PDE4D: variants seen among roughly 807,000 people sequenced by gnomAD.
The protein encoded by PDE4D is 3',5'-cyclic-AMP phosphodiesterase 4D.
Under a neutral mutation model 87.4 loss-of-function variants are expected in PDE4D, and 24 were observed. The ratio of observed to expected loss-of-function variants is 0.27; its 90% CI spans 0.20 to 0.39. The LOEUF (loss-of-function observed/expected upper bound fraction) is 0.39. Among genes scored for constraint, PDE4D ranks in the 10% least tolerant of loss-of-function variants. The probability of loss-of-function intolerance (pLI) is 1.00; values close to 1 mark genes in which losing one functional copy is unlikely to be tolerated. For synonymous variants in PDE4D, 384 were observed against 383.2 expected, an observed-to-expected ratio of 1.00 and a Z score of -0.02; for missense variants, 714 against 1,041.0, an observed-to-expected ratio of 0.69 and a Z score of 4.32.
chr5:59,333,378 G>A (rs1777085795), intron 1 of PDE4D, among the ~76,000 whole-genome samples: 2 of 152,052 alleles, frequency 1.3e-5, no homozygotes, highest in South Asian at 2.1e-4. Context: ...AGACAGAAAG[G>A]GGAGACTTTT....
chr5:60,411,356 A>T, intron 1 of PDE4D, among the ~76,000 whole-genome samples: 1 of 152,198 alleles, frequency 6.6e-6, no homozygotes, highest in East Asian at 1.9e-4. Context: ...TATAAAGCAA[A>T]CTTATGTAAG....
chr5:59,998,598 A>G (rs1381280486), intron 2 of PDE4D, among the ~76,000 whole-genome samples: 3 of 151,980 alleles, frequency 2.0e-5, no homozygotes, highest in African/African-American at 4.8e-5. Flanking sequence ...CCTTTGAATA[A>G]TTTTCTAAGT....
intron 2 of PDE4D, among the ~76,000 whole-genome samples, chr5:60,131,857 C>T (rs1440674350): frequency 6.6e-6 from 1 of 152,220 alleles, no homozygotes. Flanking sequence ...TGTCCATCAG[C>T]ATTGGCTTAT....
intron 1 of PDE4D, chr5:59,586,189 C>T: frequency 1.7e-6 from 1 of 577,194 alleles, no homozygotes. Context: ...CTTTCTCAGA[C>T]AATATTCGGT....
chr5:59,153,345 A>G (rs904054449), intron 5 of PDE4D, among the ~76,000 whole-genome samples: 3 of 152,228 alleles, frequency 2.0e-5, no homozygotes, highest in Admixed American at 6.5e-5. Context: ...GTTCAGGACC[A>G]TGTAAGTTAT....
intron 1 of PDE4D, among the ~76,000 whole-genome samples, chr5:60,446,635 G>A (rs565772181): frequency 2.6e-5 from 4 of 152,240 alleles, no homozygotes; most frequent in African/African-American, 7.2e-5. Flanking sequence ...TACCAATATC[G>A]TTAGCAGTAA....
chr5:59,836,371 T>C (rs190014701), intron 1 of PDE4D, among the ~76,000 whole-genome samples: 5 of 152,156 alleles, frequency 3.3e-5, no homozygotes, highest in Admixed American at 3.3e-4. Flanking sequence ...AACAATAGAA[T>C]TTACAATAAT....
chr5:60,462,915 C>T (rs908459080), intron 1 of PDE4D, among the ~76,000 whole-genome samples: 2 of 152,170 alleles, frequency 1.3e-5, no homozygotes, highest in Non-Finnish European at 2.9e-5. Flanking sequence ...TAATAGAAAG[C>T]ATCATATGTG....
At chr5:59,274,245 T>C (rs1387715447) in intron 1 of PDE4D, among the ~76,000 whole-genome samples, 3 of 152,138 alleles carry the variant, frequency 2.0e-5, no homozygotes, top group Non-Finnish European at 4.4e-5. Context: ...CAAGTAACGT[T>C]AAGAGACAAA....
chr5:59,004,492 G>A (rs1335504755), intron 6 of PDE4D, among the ~76,000 whole-genome samples: 1 of 152,010 alleles, frequency 6.6e-6, no homozygotes, highest in African/African-American at 2.4e-5. Context: ...TGAATACAGG[G>A]GTGTTATGTT....
chr5:60,369,505 T>A (rs1760830953), intron 1 of PDE4D, among the ~76,000 whole-genome samples: 1 of 151,660 alleles, frequency 6.6e-6, no homozygotes, highest in African/African-American at 2.4e-5. Context: ...GAACAGTGAG[T>A]CAACTGACCA....
intron 9 of PDE4D, among the ~76,000 whole-genome samples, chr5:58,990,266 A>G (rs954871584): frequency 2.0e-5 from 3 of 152,172 alleles, no homozygotes; most frequent in Non-Finnish European, 4.4e-5. Flanking sequence ...CCAACTAAAA[A>G]TCAACGTCCT....
At position 59,872,239 on chromosome 5, in the gene PDE4D, T is replaced by G. The variant is rs566507403; in HGVS notation, c.455+20929A>C. Among the ~76,000 whole-genome samples, 22 of 147,738 alleles carry G rather than the reference T, an allele frequency of 1.5e-4. No individual in the cohort carries two copies. The East Asian group carries it at 4.2e-3, about 28-fold the overall frequency. On this transcript the variant is annotated intron_variant, in intron 1 of 14. Coordinates refer to ENST00000340635, the MANE Select transcript of PDE4D (RefSeq NM_001104631.2). ...TATCCTGTAAACAATGCAAAACCAC[T>G]GATGGATTCACAACAGAAGAGTTAC...
At chr5:59,836,363 C>A (rs1039346151) in intron 1 of PDE4D, among the ~76,000 whole-genome samples, 1 of 151,874 alleles carries the variant, frequency 6.6e-6, no homozygotes, top group African/African-American at 2.4e-5. Flanking sequence ...GGAGTAAAAA[C>A]AATAGAATTT....
chr5:59,304,405 T>G (rs1770874111), intron 1 of PDE4D, among the ~76,000 whole-genome samples: 1 of 152,170 alleles, frequency 6.6e-6, no homozygotes, highest in African/African-American at 2.4e-5. Context: ...CTTGTCTGAT[T>G]GCTCTTGCTA....
chr5:58,999,488 C>A (rs2153351556), intron 6 of PDE4D: 1 of 1,511,558 alleles, frequency 6.6e-7, no homozygotes, highest in Non-Finnish European at 9.0e-7. Context: ...GTAAGTCTTA[C>A]CTTTATGTAG....
At chr5:60,002,118 T>G (rs943229541) in intron 2 of PDE4D, among the ~76,000 whole-genome samples, 1 of 151,570 alleles carries the variant, frequency 6.6e-6, no homozygotes, top group Non-Finnish European at 1.5e-5. Flanking sequence ...CTGAATGAAT[T>G]AAAAAAAATC....
chr5:59,538,623 C>T (rs1215532394), intron 1 of PDE4D, among the ~76,000 whole-genome samples: 1 of 152,166 alleles, frequency 6.6e-6, no homozygotes, highest in Non-Finnish European at 1.5e-5. Flanking sequence ...GCAGCAATGT[C>T]CCAGCTGGTC....
Position 59,798,242 on chromosome 5 carries a change from A to C in PDE4D, c.455+94926T>G, listed in dbSNP as rs528293932. Reference sequence around the variant, plus strand: ...AACAAGTCTCCATCTCTCTCTCTCTATATATAAATGCCTGTGTGTGTGTGT... The same window carrying C: ...AACAAGTCTCCATCTCTCTCTCTCTCTATATAAATGCCTGTGTGTGTGTGT... On this transcript the variant is annotated intron_variant, in intron 1 of 14. Coordinates refer to ENST00000340635, the MANE Select transcript of PDE4D (RefSeq NM_001104631.2). Among the ~76,000 whole-genome samples, 537 of 143,120 alleles carry C rather than the reference A, an allele frequency of 3.8e-3. 3 individuals are homozygous for C. The highest frequency in any genetic ancestry group is 7.5e-3 in the East Asian group (36 of 4,832). 93.9% of individuals were successfully genotyped at this position (143,120 alleles called of 152,430 possible).
Sources: allele counts gnomAD v4.1 joint callset (sites outside exome capture counted in the v4.1 genomes callset), GRCh38; gene constraint gnomAD v4.1.1; transcripts MANE v1.5; gene names NCBI Gene and HGNC (gene_info 2026-07-23, HGNC 2026-07-21).